Variants in TNN observed in about 807,000 individuals in gnomAD.
TNN encodes tenascin N.
A neutral mutation model predicts 134.4 loss-of-function variants in TNN; 122 were observed. That is an observed-to-expected ratio of 0.91 (90% CI 0.78 to 1.06). The LOEUF (loss-of-function observed/expected upper bound fraction) is 1.06. TNN is among the 50% of genes least tolerant of loss of function. The pLI, the probability that TNN is intolerant of heterozygous loss-of-function variation, is 0.00. For missense variants in TNN, 1,739 were observed against 1,699.4 expected (o/e 1.02, Z -0.41); for synonymous variants, 710 against 670.3 (o/e 1.06, Z -0.91).
intron 11 of TNN, among the ~76,000 whole-genome samples, chr1:175,120,709 G>A (rs977016465): frequency 6.7e-6 from 1 of 150,324 alleles, no homozygotes; most frequent in Admixed American, 6.6e-5. Context: ...GAGGTCTTTA[G>A]CTGGATGGCC....
At chr1:175,126,742 C>T (rs558525292) in intron 12 of TNN, among the ~76,000 whole-genome samples, 6 of 152,292 alleles carry the variant, frequency 3.9e-5, no homozygotes, top group Admixed American at 1.3e-4. Flanking sequence ...ACCCACCCAA[C>T]GCCCTGTTCT....
intron 17 of TNN, 135 bp downstream of exon 17, chr1:175,137,123 C>T (rs2101851486): frequency 1.1e-6 from 1 of 929,674 alleles, no homozygotes; most frequent in Non-Finnish European, 1.6e-6. Flanking sequence ...CAGTGGAGGT[C>T]CTACTCTCTG....
chr1:175,088,215 G>A (rs1267383473), intron 6 of TNN, among the ~76,000 whole-genome samples: 2 of 152,122 alleles, frequency 1.3e-5, no homozygotes, highest in Non-Finnish European at 2.9e-5. Context: ...AGGTGGGGCT[G>A]GTAGTTCCAA....
At chr1:175,087,799 G>A (rs1038578218) in intron 6 of TNN, among the ~76,000 whole-genome samples, 3 of 152,212 alleles carry the variant, frequency 2.0e-5, no homozygotes, top group African/African-American at 7.2e-5. Flanking sequence ...CAGTCCCCAG[G>A]TTAGGACCTG....
chr1:175,124,811 C>A (rs1475394438), intron 12 of TNN, among the ~76,000 whole-genome samples: 2 of 152,204 alleles, frequency 1.3e-5, no homozygotes, highest in Admixed American at 6.5e-5. Flanking sequence ...CCACTTCCTA[C>A]CTCCTTCTCC....
intron 6 of TNN, among the ~76,000 whole-genome samples, chr1:175,091,204 G>A (rs1417543340): frequency 6.6e-6 from 1 of 152,264 alleles, no homozygotes; most frequent in South Asian, 2.1e-4. Context: ...TGGTCAAGGA[G>A]AGCAAGCTCT....
intron 9 of TNN, among the ~76,000 whole-genome samples, chr1:175,112,210 A>G (rs1675045588): frequency 6.6e-6 from 1 of 151,934 alleles, no homozygotes; most frequent in South Asian, 2.1e-4. Flanking sequence ...AACGTTGTTG[A>G]ATGTTATCAA....
At chr1:175,145,260 C>A (rs1490435158) in intron 18 of TNN, among the ~76,000 whole-genome samples, 1 of 151,982 alleles carries the variant, frequency 6.6e-6, no homozygotes, top group Non-Finnish European at 1.5e-5. Context: ...TGAACAAGAG[C>A]TATTTCTTTA....
intron 9 of TNN, among the ~76,000 whole-genome samples, chr1:175,109,786 G>C (rs971868845): frequency 6.0e-5 from 9 of 151,250 alleles, no homozygotes; most frequent in African/African-American, 2.2e-4. Flanking sequence ...TCAGTATTTT[G>C]GTTATTATGA....
chr1:175,132,702 G>T (rs1192693987), intron 15 of TNN, among the ~76,000 whole-genome samples: 2 of 152,196 alleles, frequency 1.3e-5, no homozygotes, highest in African/African-American at 4.8e-5. Flanking sequence ...AGCAATAGAA[G>T]AGGCTGCCTC....
At chr1:175,081,878 C>G (rs1384147650) in intron 4 of TNN, among the ~76,000 whole-genome samples, 1 of 152,130 alleles carries the variant, frequency 6.6e-6, no homozygotes, top group Non-Finnish European at 1.5e-5. Context: ...CCTCTCCCCT[C>G]TGAGAGGCTG....
intron 4 of TNN, among the ~76,000 whole-genome samples, chr1:175,082,616 C>G (rs954407141): frequency 6.6e-6 from 1 of 152,182 alleles, no homozygotes; most frequent in South Asian, 2.1e-4. Context: ...CTCTGTGAGG[C>G]TCTTTATCCA....
chr1:175,140,448 G>T (rs1264572733), intron 17 of TNN, among the ~76,000 whole-genome samples: 1 of 152,184 alleles, frequency 6.6e-6, no homozygotes, highest in Non-Finnish European at 1.5e-5. Flanking sequence ...CCTCACTCAG[G>T]CCTGTCCTCC....
intron 1 of TNN, among the ~76,000 whole-genome samples, chr1:175,077,003 T>C (rs1674056408): frequency 6.6e-6 from 1 of 152,226 alleles, no homozygotes; most frequent in Non-Finnish European, 1.5e-5. Flanking sequence ...CAGCTCATAT[T>C]GTTGATGTTG....
chr1:175,140,018 T>C (rs917987161), intron 17 of TNN, among the ~76,000 whole-genome samples: 2 of 152,244 alleles, frequency 1.3e-5, no homozygotes, highest in Admixed American at 1.3e-4. Flanking sequence ...ATTATGAGGA[T>C]ATTAACTGAA....
At chr1:175,098,699 A>C (rs1674640310) in intron 9 of TNN, 104 bp downstream of exon 9, 3 of 1,522,050 alleles carry the variant, frequency 2.0e-6, no homozygotes. Flanking sequence ...ATGGAAGAGC[A>C]GGTTGGTATC....
At chr1:175,119,650 T>C (rs551715845) in intron 11 of TNN, among the ~76,000 whole-genome samples, 1 of 150,012 alleles carries the variant, frequency 6.7e-6, no homozygotes, top group South Asian at 2.1e-4. Flanking sequence ...TTTTTTTTTT[T>C]TTTTGAGACA....
At chr1:175,142,225 T>G (rs1212667315) in intron 17 of TNN, among the ~76,000 whole-genome samples, 1 of 152,218 alleles carries the variant, frequency 6.6e-6, no homozygotes, top group Non-Finnish European at 1.5e-5. Flanking sequence ...TGCGTGGAAG[T>G]GGCCTCCGTG....
chr1:175,106,107 CA>C (rs1276950446), intron 9 of TNN, among the ~76,000 whole-genome samples: 2 of 145,502 alleles, frequency 1.4e-5, no homozygotes, highest in Non-Finnish European at 3.1e-5. Flanking sequence ...TCCTAGACCA[CA>C]AGGAGGACCG....
Sources: allele counts gnomAD v4.1 joint callset (sites outside exome capture counted in the v4.1 genomes callset), GRCh38; gene constraint gnomAD v4.1.1; transcripts MANE v1.5; gene names NCBI Gene and HGNC (gene_info 2026-07-23, HGNC 2026-07-21).